Variants in FSHR observed in about 807,000 individuals in gnomAD.
FSHR encodes follicle stimulating hormone receptor, also known as follicle-stimulating hormone receptor.
In FSHR, 46 loss-of-function variants were observed where a neutral mutation model predicts 52.1. The ratio of observed to expected loss-of-function variants is 0.88; its 90% CI spans 0.70 to 1.13. FSHR has a LOEUF of 1.13. FSHR is among the 50% of genes most tolerant of loss of function. FSHR has a pLI of 0.00. For synonymous variants in FSHR, 399 were observed against 309.6 expected (o/e 1.29, Z -3.03); for missense variants, 964 against 834.6 (o/e 1.16, Z -1.91).
At chr2:49,142,304 C>T (rs897362485) in intron 1 of FSHR, among the ~76,000 whole-genome samples, 2 of 152,156 alleles carry the variant, frequency 1.3e-5, no homozygotes, top group East Asian at 3.9e-4. Context: ...AAGGAGGTGG[C>T]ATTTGGGTAG....
At chr2:49,036,511 A>G (rs1668277169) in intron 2 of FSHR, among the ~76,000 whole-genome samples, 1 of 151,902 alleles carries the variant, frequency 6.6e-6, no homozygotes, top group African/African-American at 2.4e-5. Context: ...ATCTATATCT[A>G]TATCTATATC....
intron 1 of FSHR, among the ~76,000 whole-genome samples, chr2:49,125,965 TG>T (rs1050087843): frequency 2.5e-4 from 38 of 152,316 alleles, no homozygotes; most frequent in African/African-American, 9.1e-4. Context: ...AAATAGACAC[TG>T]GGTCTTCTAG....
chr2:48,983,229 A>T, intron 6 of FSHR, 63 bp from the exon 7 acceptor site: 1 of 1,494,368 alleles, frequency 6.7e-7, no homozygotes, highest in Non-Finnish European at 9.3e-7. Context: ...CGGGTTTCAT[A>T]ATTGGAAGCA....
chr2:49,083,715 C>A (rs1408567488), intron 1 of FSHR, among the ~76,000 whole-genome samples: 2 of 149,820 alleles, frequency 1.3e-5, no homozygotes, highest in African/African-American at 2.5e-5. Flanking sequence ...ATAAAACAGA[C>A]TTCAAACCAA....
intron 1 of FSHR, among the ~76,000 whole-genome samples, chr2:49,085,024 C>T (rs1572722413): frequency 6.6e-6 from 1 of 152,046 alleles, no homozygotes; most frequent in Non-Finnish European, 1.5e-5. Context: ...ATACCAAAGC[C>T]TGGTAGAGAC....
chr2:49,020,262 A>G, intron 2 of FSHR, 102 bp from the exon 3 acceptor site: 1 of 982,884 alleles, frequency 1.0e-6, no homozygotes, highest in Non-Finnish European at 1.6e-6. Context: ...TTCACAAGAC[A>G]CACAAAACTC....
intron 2 of FSHR, among the ~76,000 whole-genome samples, chr2:49,059,837 A>G (rs1017859098): frequency 1.3e-5 from 2 of 152,318 alleles, no homozygotes; most frequent in East Asian, 1.9e-4. Flanking sequence ...TCAAAAGCAC[A>G]GGAAACAAAA....
At chr2:48,995,659 G>T (rs1450320492) in intron 4 of FSHR, among the ~76,000 whole-genome samples, 1 of 152,072 alleles carries the variant, frequency 6.6e-6, no homozygotes, top group Non-Finnish European at 1.5e-5. Flanking sequence ...AGACTTGAGG[G>T]TTCCCTGAGC....
At position 48,983,184 on chromosome 2, in the gene FSHR, T is replaced by C; in HGVS notation, c.525-18A>G. On this transcript the variant is annotated intron_variant, in intron 6 of 9. Coordinates refer to ENST00000406846, the MANE Select transcript of FSHR (RefSeq NM_000145.4). Reference sequence around the variant, plus strand: ...TCAGCCATCTGAAATAAAAGGCCTATTAAAAAACCAATAATGTCAGATGCA... The same window carrying C: ...TCAGCCATCTGAAATAAAAGGCCTACTAAAAAACCAATAATGTCAGATGCA... 6.2e-7 allele frequency: 1 copy of C among 1,610,478 alleles called. No individual in the cohort carries two copies. Among genetic ancestry groups the C allele is most frequent in the South Asian group, 1.1e-5 (1 of 90,960 alleles).
At chr2:49,150,808 C>A (rs140609949) in intron 1 of FSHR, among the ~76,000 whole-genome samples, 13 of 151,982 alleles carry the variant, frequency 8.6e-5, no homozygotes, top group Non-Finnish European at 1.5e-5. Flanking sequence ...AACCCACTCT[C>A]TCAGCTATAG....
At chr2:49,057,149 A>G (rs1669092911) in intron 2 of FSHR, among the ~76,000 whole-genome samples, 1 of 152,122 alleles carries the variant, frequency 6.6e-6, no homozygotes, top group African/African-American at 2.4e-5. Context: ...TTAGTAGAAG[A>G]CAAAAATAAT....
At chr2:49,140,309 C>G (rs1208914247) in intron 1 of FSHR, among the ~76,000 whole-genome samples, 1 of 151,810 alleles carries the variant, frequency 6.6e-6, no homozygotes, top group Non-Finnish European at 1.5e-5. Flanking sequence ...ATTGCCCCCG[C>G]ACCACCCCCC....
chr2:49,023,172 A>T (rs1171108005), intron 2 of FSHR, among the ~76,000 whole-genome samples: 1 of 152,206 alleles, frequency 6.6e-6, no homozygotes, highest in Non-Finnish European at 1.5e-5. Context: ...TTACTCTACC[A>T]GCACTGAAGT....
chr2:49,039,179 A>G (rs1013988542), intron 2 of FSHR, among the ~76,000 whole-genome samples: 1 of 152,170 alleles, frequency 6.6e-6, no homozygotes, highest in Non-Finnish European at 1.5e-5. Context: ...CACTCAGTAG[A>G]TTCTTTTTCT....
intron 1 of FSHR, among the ~76,000 whole-genome samples, chr2:49,079,215 A>G (rs1378587109): frequency 6.6e-6 from 1 of 152,200 alleles, no homozygotes. Context: ...TCAAATACTT[A>G]ATTGAAAAAA....
intron 4 of FSHR, among the ~76,000 whole-genome samples, chr2:48,991,740 A>G (rs545223965): frequency 5.9e-5 from 9 of 152,186 alleles, no homozygotes; most frequent in Non-Finnish European, 1.2e-4. Context: ...TATTGGACGC[A>G]TTGTTCTTTG....
At chr2:49,059,957 T>C (rs1245614848) in intron 2 of FSHR, among the ~76,000 whole-genome samples, 3 of 152,130 alleles carry the variant, frequency 2.0e-5, no homozygotes, top group Non-Finnish European at 4.4e-5. Context: ...CAAGTACTCA[T>C]TTGACAGGGC....
In FSHR at chr2:48,962,935, A is replaced by C. The variant is rs1674295975; in HGVS notation, c.1886T>G (p.Phe629Cys). ...GAAATCTCTGCGAAAGTTTTTGGTA[A>C]AGATGGCATAGAGGAAGGGGTTGGC... is the stretch of plus-strand genomic sequence containing the variant. ...SCANPFLYAI[F>C]TKNFRRDFFI... is the part of the protein sequence containing the mutation. Residue 629 changes from phenylalanine to cysteine, a missense_variant, in exon 10 of 10, where the codon TTT becomes TGT. By Grantham distance (205) the Phe-to-Cys change is radical (BLOSUM62 -2). Coordinates refer to ENST00000406846, the MANE Select transcript of FSHR (RefSeq NM_000145.4). 14 of 1,614,066 alleles carry C rather than the reference A, an allele frequency of 8.7e-6. No homozygotes were observed. Among genetic ancestry groups the C allele is most frequent in the Non-Finnish European group, 9.3e-6 (11 of 1,180,028 alleles).
chr2:49,074,508 C>A (rs1045791004), intron 1 of FSHR, among the ~76,000 whole-genome samples: 1 of 151,946 alleles, frequency 6.6e-6, no homozygotes, highest in African/African-American at 2.4e-5. Flanking sequence ...AAAAGGACAA[C>A]AAAATAACAA....
Sources: gnomAD v4.1 joint callset for allele counts (sites outside exome capture counted in the v4.1 genomes callset) on GRCh38, gnomAD v4.1.1 for gene constraint, MANE v1.5 for transcripts, NCBI Gene and HGNC (gene_info 2026-07-23, HGNC 2026-07-21) for gene names.